MAPDA: variants seen among roughly 807,000 people sequenced by gnomAD.
The protein encoded by MAPDA is N6,N6-dimethyl-AMP deaminase.
the MAPDA span, chr15:43,331,977 G>C: frequency 6.6e-6 from 1 of 152,314 alleles, no homozygotes; most frequent in East Asian, 1.9e-4. Flanking sequence ...TGAAGGAACA[G>C]AAAAATGAGA....
chr15:43,343,427 G>T, the MAPDA span, among the ~76,000 whole-genome samples: 311 of 152,226 alleles, frequency 2.0e-3, 2 homozygotes, highest in Non-Finnish European at 3.4e-3. Flanking sequence ...CCTGCTGTCT[G>T]TTCCTAAAAT....
the MAPDA span, chr15:43,342,844 T>C: frequency 3.0e-5 from 15 of 495,326 alleles, no homozygotes; most frequent in East Asian, 4.6e-4. Flanking sequence ...TACTAAAATA[T>C]ACCCATAAGG....
chr15:43,335,673 G>A, the MAPDA span: 5 of 1,588,814 alleles, frequency 3.1e-6, no homozygotes, highest in African/African-American at 6.8e-5. Flanking sequence ...TATTTGATAA[G>A]TTTTACTGGT....
At chr15:43,351,462 A>G in the MAPDA span, 12 of 403,526 alleles carry the variant, frequency 3.0e-5, no homozygotes, top group Admixed American at 4.5e-4. Context: ...CACCCATCCC[A>G]TGAGATTCTG....
chr15:43,347,138 A>T, the MAPDA span: 1 of 1,487,912 alleles, frequency 6.7e-7, no homozygotes, highest in South Asian at 1.2e-5. Flanking sequence ...AGATTGTAAT[A>T]GAAAATAATA....
chr15:43,335,768 C>T, the MAPDA span: 5 of 1,613,958 alleles, frequency 3.1e-6, no homozygotes, highest in Non-Finnish European at 4.2e-6. Flanking sequence ...GAAGCCAGAT[C>T]TTAAAATCCA....
the MAPDA span, chr15:43,336,485 C>A: frequency 1.6e-6 from 1 of 612,952 alleles, no homozygotes; most frequent in Non-Finnish European, 2.7e-6. Flanking sequence ...CTTTCCAGAT[C>A]AATGTAATTT....
At chr15:43,343,594 A>G in the MAPDA span, among the ~76,000 whole-genome samples, 3 of 152,040 alleles carry the variant, frequency 2.0e-5, no homozygotes, top group African/African-American at 7.2e-5. Context: ...ACTCTGTCTA[A>G]AGTGCCCTAC....
the MAPDA span, chr15:43,349,312 G>T: frequency 8.5e-7 from 1 of 1,173,310 alleles, no homozygotes. Flanking sequence ...TTTTTTAAAG[G>T]AATAAAGGGT....
the MAPDA span, among the ~76,000 whole-genome samples, chr15:43,349,739 AT>A: frequency 6.6e-6 from 1 of 152,248 alleles, no homozygotes; most frequent in Non-Finnish European, 1.5e-5. Flanking sequence ...ATATTTACCA[AT>A]TTATAAAAAT....
the MAPDA span, among the ~76,000 whole-genome samples, chr15:43,341,220 A>C: frequency 1.3e-5 from 2 of 152,202 alleles, no homozygotes; most frequent in African/African-American, 4.8e-5. Flanking sequence ...CTTATTGTAA[A>C]GTATAAGTGT....
chr15:43,343,883 A>C, the MAPDA span, among the ~76,000 whole-genome samples: 1 of 151,488 alleles, frequency 6.6e-6, no homozygotes, highest in South Asian at 2.1e-4. Flanking sequence ...TAACCCCAAT[A>C]AAAAACCAAG....
the MAPDA span, among the ~76,000 whole-genome samples, chr15:43,331,167 G>A: frequency 6.6e-6 from 1 of 152,156 alleles, no homozygotes; most frequent in Admixed American, 6.5e-5. Context: ...TGTATTCCCA[G>A]CCCTATGTTA....
the MAPDA span, among the ~76,000 whole-genome samples, chr15:43,338,892 A>G: frequency 5.3e-5 from 8 of 152,136 alleles, no homozygotes; most frequent in Non-Finnish European, 1.2e-4. Context: ...ATTTGGTTTT[A>G]CAGGTACCTA....
the MAPDA span, chr15:43,348,962 T>A: frequency 6.2e-7 from 1 of 1,613,992 alleles, no homozygotes; most frequent in Non-Finnish European, 8.5e-7. Flanking sequence ...CCTGACAGAA[T>A]CGGGCATGGA....
the MAPDA span, chr15:43,352,245 G>A: frequency 3.0e-5 from 8 of 263,770 alleles, no homozygotes; most frequent in East Asian, 7.2e-5. Flanking sequence ...CAGGGAAATC[G>A]AAGTTTCTCA....
chr15:43,346,289 T>C, the MAPDA span, among the ~76,000 whole-genome samples: 1 of 152,242 alleles, frequency 6.6e-6, no homozygotes, highest in African/African-American at 2.4e-5. Context: ...ATTCATTACA[T>C]ACAATGGATG....
chr15:43,345,752 G>A, the MAPDA span: 36 of 1,390,308 alleles, frequency 2.6e-5, no homozygotes, highest in Middle Eastern at 2.1e-4. Flanking sequence ...TTCCTAGTGA[G>A]ATGTATTACA....
the MAPDA span, among the ~76,000 whole-genome samples, chr15:43,334,665 T>TATATATATATATATATATATA: frequency 2.6e-5 from 1 of 38,604 alleles, no homozygotes; most frequent in Non-Finnish European, 1.2e-4. Context: ...ATATATATAT[T>TATATATATATATATATATATA]TTATCCAAAG....
Sources: allele counts gnomAD v4.1 joint callset (sites outside exome capture counted in the v4.1 genomes callset), GRCh38; gene constraint gnomAD v4.1.1; transcripts MANE v1.5; gene names NCBI Gene and HGNC (gene_info 2026-07-23, HGNC 2026-07-21).